The following PCDHGA8 variants were observed in gnomAD, a reference collection of about 807,000 sequenced individuals.
PCDHGA8 encodes protocadherin gamma subfamily A, 8, also known as protocadherin gamma-A8.
In PCDHGA8, 45 loss-of-function variants were observed where a neutral mutation model predicts 59.2. The ratio of observed to expected loss-of-function variants is 0.76; its 90% CI spans 0.60 to 0.98. PCDHGA8 has a LOEUF of 0.98. Among genes scored for constraint, PCDHGA8 ranks in the 50% least tolerant of loss-of-function variants. The pLI is 0.00. For missense variants in PCDHGA8, 1,257 were observed against 1,196.2 expected, an observed-to-expected ratio of 1.05 and a Z score of -0.75; for synonymous variants, 531 against 519.0, an observed-to-expected ratio of 1.02 and a Z score of -0.32.
intron 1 of PCDHGA8, chr5:141,427,871 GA>G: frequency 6.4e-7 from 1 of 1,559,532 alleles, no homozygotes; most frequent in Non-Finnish European, 8.8e-7. Context: ...TCGAGCTCAC[GA>G]TGCAGGCCCA....
intron 1 of PCDHGA8, chr5:141,408,119 C>T (rs1271219465): frequency 6.8e-7 from 1 of 1,474,944 alleles, no homozygotes; most frequent in African/African-American, 1.4e-5. Flanking sequence ...CTCCTCCTGT[C>T]CTGGGCCGAA....
chr5:141,462,998 C>A (rs562002585), intron 1 of PCDHGA8, among the ~76,000 whole-genome samples: 3 of 152,190 alleles, frequency 2.0e-5, no homozygotes, highest in Admixed American at 2.0e-4. Context: ...CTAATTTAGA[C>A]CTACCACTTA....
chr5:141,409,502 T>C, intron 1 of PCDHGA8: 2 of 1,613,986 alleles, frequency 1.2e-6, no homozygotes, highest in South Asian at 1.1e-5. Flanking sequence ...GCCTCTTTCT[T>C]CCAGTAGAAG....
intron 1 of PCDHGA8, chr5:141,409,037 T>A: frequency 3.7e-6 from 6 of 1,613,992 alleles, no homozygotes; most frequent in Non-Finnish European, 5.1e-6. Context: ...TGAGATAAAC[T>A]ACTACTTCCG....
chr5:141,418,339 T>G (rs779598961), intron 1 of PCDHGA8: 2 of 1,614,012 alleles, frequency 1.2e-6, no homozygotes, highest in Non-Finnish European at 1.7e-6. Context: ...CAGAAGATCC[T>G]GATATTAGTA....
At chr5:141,409,388 T>C in intron 1 of PCDHGA8, 1 of 1,614,018 alleles carries the variant, frequency 6.2e-7, no homozygotes, top group Non-Finnish European at 8.5e-7. Flanking sequence ...CAAGATTTAT[T>C]CTTCTTCCAA....
chr5:141,477,361 G>A lies in PCDHGA8; in HGVS notation c.2425-17446G>A. The A allele has an allele frequency of 6.2e-7, 1 of 1,614,172 alleles. No individual in the cohort carries two copies. The highest frequency in any genetic ancestry group is 8.5e-7 in the Non-Finnish European group (1 of 1,180,032). Reference sequence around the variant, plus strand: ...TCACTTTGAAAACCAGTGCAGACCTGGATCGGGAGACTGTGCCAGAATACA... The same window carrying A: ...TCACTTTGAAAACCAGTGCAGACCTAGATCGGGAGACTGTGCCAGAATACA... On this transcript the variant is annotated intron_variant, in intron 1 of 3. Coordinates refer to ENST00000398604, the MANE Select transcript of PCDHGA8 (RefSeq NM_032088.2). The surrounding 1 kb of genome is among the most constrained non-coding windows in gnomAD (Gnocchi z 4.9).
At chr5:141,413,070 T>G (rs990993849) in intron 1 of PCDHGA8, 1 of 1,195,014 alleles carries the variant, frequency 8.4e-7, no homozygotes, top group African/African-American at 1.5e-5. Context: ...GAATTTAAAG[T>G]GCCCAGGCTA....
chr5:141,506,017 C>G (rs2099850061), intron 3 of PCDHGA8, among the ~76,000 whole-genome samples: 1 of 152,176 alleles, frequency 6.6e-6, no homozygotes, highest in Non-Finnish European at 1.5e-5. Flanking sequence ...TTTGCTGCCC[C>G]TAACTCCAGA....
At chr5:141,414,088 A>G in intron 1 of PCDHGA8, 3 of 1,599,384 alleles carry the variant, frequency 1.9e-6, no homozygotes, top group Non-Finnish European at 8.5e-7. Context: ...TACTGGAGAA[A>G]TAAAAATATC....
At chr5:141,404,198 T>G in intron 1 of PCDHGA8, 1 of 1,613,554 alleles carries the variant, frequency 6.2e-7, no homozygotes, top group Non-Finnish European at 8.5e-7. Flanking sequence ...AGAAAAAGCC[T>G]CAGAATATAA....
At chr5:141,414,151 G>T in intron 1 of PCDHGA8, 2 of 1,600,336 alleles carry the variant, frequency 1.2e-6, no homozygotes, top group East Asian at 2.3e-5. Flanking sequence ...AATACAAGCA[G>T]AAGATGGAGG....
At position 141,462,908 on chromosome 5, in the gene PCDHGA8, T is replaced by G. The variant is rs186061013; in HGVS notation, c.2425-31899T>G. ...AGTTTGTTTTGGAAGGCTATTATGT[T>G]TTTTGCAGATCAGGTTGATCTTTTC... On this transcript the variant is annotated intron_variant, in intron 1 of 3. Coordinates refer to ENST00000398604, the MANE Select transcript of PCDHGA8 (RefSeq NM_032088.2). Among the ~76,000 whole-genome samples the G allele has an allele frequency of 1.4e-4, 21 of 152,362 alleles. No individual in the cohort carries two copies. The East Asian group carries it at 3.5e-3, about 25-fold the overall frequency.
At chr5:141,502,309 T>G (rs1395136136) in intron 2 of PCDHGA8, among the ~76,000 whole-genome samples, 2 of 152,196 alleles carry the variant, frequency 1.3e-5, no homozygotes, top group Admixed American at 6.5e-5. Flanking sequence ...TTTCCTCTCC[T>G]TTAATCTGGA....
rs2099883795 is a variant in PCDHGA8 at position 141,511,444 on chromosome 5, A to C, written c.*271A>C. 3.0e-6 allele frequency: 2 copies of C among 665,362 alleles called. No individual in the cohort carries two copies. The highest frequency in any genetic ancestry group is 3.6e-5 in the African/African-American group (2 of 54,978). 41.2% of individuals were successfully genotyped at this position (665,362 alleles called of 1,614,324 possible). On this transcript the variant is annotated 3_prime_UTR_variant, in exon 4 of 4. Coordinates refer to ENST00000398604, the MANE Select transcript of PCDHGA8 (RefSeq NM_032088.2). ...GGGTAGTGGGGTTACTGTAGACACC[A>C]AGAACCATTTGCCACACCCCGTTTA...
At chr5:141,433,612 G>A (rs1181458593) in intron 1 of PCDHGA8, among the ~76,000 whole-genome samples, 1 of 152,082 alleles carries the variant, frequency 6.6e-6, no homozygotes, top group Non-Finnish European at 1.5e-5. Context: ...GAGGCGGGTG[G>A]ATCACCTGAG....
At chr5:141,475,657 C>T (rs2099366732) in intron 1 of PCDHGA8, among the ~76,000 whole-genome samples, 1 of 152,204 alleles carries the variant, frequency 6.6e-6, no homozygotes, top group Non-Finnish European at 1.5e-5. Flanking sequence ...GAAAGTGATT[C>T]AAATGTTTAA....
chr5:141,405,332 T>C, intron 1 of PCDHGA8: 1 of 1,614,222 alleles, frequency 6.2e-7, no homozygotes, highest in Non-Finnish European at 8.5e-7. Flanking sequence ...TTTGTGCGTC[T>C]CTGTTGATTC....
intron 1 of PCDHGA8, chr5:141,416,504 C>G (rs966090979): frequency 1.3e-5 from 2 of 152,040 alleles, no homozygotes; most frequent in African/African-American, 4.8e-5. Flanking sequence ...AGATATATGA[C>G]AAAGCTATTT....
Sources: gnomAD v4.1 joint callset for allele counts (sites outside exome capture counted in the v4.1 genomes callset) on GRCh38, gnomAD v4.1.1 for gene constraint, Gnocchi (gnomAD v3.1) non-coding constraint, MANE v1.5 for transcripts, NCBI Gene and HGNC (gene_info 2026-07-23, HGNC 2026-07-21) for gene names.